The following DNMT1 variants were observed in gnomAD, a reference collection of about 807,000 sequenced individuals.
The protein encoded by DNMT1 is DNA (cytosine-5)-methyltransferase 1.
In DNMT1, 24 loss-of-function variants were observed where a neutral mutation model predicts 205.3. The observed-to-expected ratio is 0.12, with a 90% CI of 0.08 to 0.16. The LOEUF (loss-of-function observed/expected upper bound fraction) is 0.16. Among genes scored for constraint, DNMT1 ranks in the 10% least tolerant of loss-of-function variants. The pLI, the probability that DNMT1 is intolerant of heterozygous loss-of-function variation, is 1.00. For synonymous variants in DNMT1, 817 were observed against 839.8 expected (o/e 0.97, Z 0.47); for missense variants, 1,293 against 2,177.7 (o/e 0.59, Z 8.09).
In DNMT1 at chr19:10,175,523, G is replaced by A. The variant is rs755630709; in HGVS notation, c.648+17C>T. On this transcript the variant is annotated intron_variant, in intron 7 of 40. Coordinates refer to ENST00000359526, the MANE Select transcript of DNMT1 (RefSeq NM_001130823.3). Reference sequence around the variant, plus strand: ...CCAAGTTAAGGTAGAGTCAGGAAATGAAAGCACTGGCCCTACCTGGTCTTT... The same window carrying A: ...CCAAGTTAAGGTAGAGTCAGGAAATAAAAGCACTGGCCCTACCTGGTCTTT... 15 of 1,613,740 alleles carry A rather than the reference G, an allele frequency of 9.3e-6. No homozygotes were observed. The highest frequency in any genetic ancestry group is 5.3e-5 in the African/African-American group (4 of 74,924).
intron 11 of DNMT1, 25 bp from the exon 12 acceptor site, chr19:10,163,385 A>G: frequency 2.5e-6 from 4 of 1,612,414 alleles, no homozygotes; most frequent in Non-Finnish European, 3.4e-6. Context: ...AGGGGGAGGT[A>G]GAGAGATAAA....
chr19:10,148,901 T>C lies in DNMT1; in HGVS notation c.2703A>G (p.Thr901=). The change falls in exon 27 of 41, where the codon ACA becomes ACG. Residue 901 remains threonine, a synonymous_variant. Transcript: ENST00000359526. The part of the protein sequence containing the change: ...RFESPPKTQP[T]EDNKFKFCVS... ...GTGCTCACTTGAACTTGTTGTCCTC[T>C]GTTGGCTGGGTTTTTGGAGGGGACT... The C allele has an allele frequency of 6.2e-7, 1 of 1,614,194 alleles. No homozygotes were observed. Among genetic ancestry groups the C allele is most frequent in the Middle Eastern group, 1.6e-4 (1 of 6,062 alleles).
At chr19:10,136,039 T>C in intron 38 of DNMT1, 82 bp downstream of exon 38, 1 of 1,594,260 alleles carries the variant, frequency 6.3e-7, no homozygotes. Context: ...GTCCCCCACT[T>C]GGCTAAACCC....
chr19:10,141,510 G>C (rs528896134), intron 30 of DNMT1: 4 of 405,670 alleles, frequency 9.9e-6, no homozygotes, highest in African/African-American at 2.0e-5. Flanking sequence ...GAACGTGGAT[G>C]TATCGTTTTA....
chr19:10,189,991 T>A (rs895599573), intron 1 of DNMT1, among the ~76,000 whole-genome samples: 2 of 152,062 alleles, frequency 1.3e-5, no homozygotes, highest in African/African-American at 4.8e-5. Context: ...AGAAGTTCAA[T>A]AACTTAGCCA....
Position 10,146,371 on chromosome 19 carries a change from G to T in DNMT1, c.2874C>A (p.Pro958=), listed in dbSNP as rs1568228023. The T allele has an allele frequency of 6.2e-6, 10 of 1,614,026 alleles. No individual in the cohort carries two copies. Among genetic ancestry groups the T allele is most frequent in the Non-Finnish European group, 8.5e-6 (10 of 1,180,018 alleles). The change falls in exon 28 of 41, where the codon CCC becomes CCA. Residue 958 remains proline (P), a synonymous_variant. Coordinates refer to ENST00000359526, the MANE Select transcript of DNMT1 (RefSeq NM_001130823.3). This position sits in a 1 kb window ranked among gnomAD's most constrained non-coding sequence, Gnocchi z 4.4. The part of the protein sequence containing the change: ...LYRVGDGVYL[P]PEAFTFNIKL... The stretch of plus-strand genomic sequence containing the variant: ...CTTACTTGAACGTGAAGGCCTCAGG[G>T]GGCAGGTACACACCATCACCAACTC...
Position 10,140,416 on chromosome 19 carries a change from C to T in DNMT1, c.3524-88G>A. ...ATGGAGTCTCGCTCTGTCACCCAGG[C>T]TGGAGTGCAGTGGTGTGATCTTGGC... On this transcript the variant is annotated intron_variant, in intron 32 of 40. Transcript: ENST00000359526. The surrounding 1 kb of genome is among the most constrained non-coding windows in gnomAD (Gnocchi z 8.4). 2 of 1,533,208 alleles carry T rather than the reference C, an allele frequency of 1.3e-6. No individual in the cohort carries two copies. The highest frequency in any genetic ancestry group is 1.8e-6 in the Non-Finnish European group (2 of 1,139,824). The allele number at this position is 1,533,208 out of a possible 1,614,324, so 95.0% of individuals were successfully genotyped here. A position where few individuals can be genotyped will look rare whatever the true frequency, so the allele number is the denominator to read the frequency against.
rs1383351287 is a variant in DNMT1 at position 10,162,594 on chromosome 19, G to C, written c.1008+73C>G. ...CTTCTTTTTCCTAAGACCAGCCTGG[G>C]CAACATGGCGAAACCCCGTCTTGGG... On this transcript the variant is annotated intron_variant, in intron 13 of 40. Transcript: ENST00000359526. The C allele has an allele frequency of 6.0e-6, 9 of 1,495,888 alleles. No individual in the cohort carries two copies. In the East Asian group the frequency reaches 2.1e-4, roughly 35 times the overall value. The allele number at this position is 1,495,888 out of a possible 1,614,324, so 92.7% of individuals were successfully genotyped here.
intron 6 of DNMT1, 104 bp from the exon 7 acceptor site, chr19:10,175,722 T>C (rs1012744499): frequency 9.1e-7 from 1 of 1,097,784 alleles, no homozygotes; most frequent in Admixed American, 1.8e-5. Context: ...AGGCTTCAAG[T>C]TTAATGTTTC....
At chr19:10,155,775 GC>G in intron 19 of DNMT1, 77 bp downstream of exon 19, 1 of 1,456,666 alleles carries the variant, frequency 6.9e-7, no homozygotes, top group Non-Finnish European at 9.4e-7. Context: ...TCCCACCAGA[GC>G]CCCGTCAGCC....
intron 24 of DNMT1, among the ~76,000 whole-genome samples, chr19:10,150,664 CCTCT>C (rs2145296833): frequency 6.6e-6 from 1 of 152,320 alleles, no homozygotes; most frequent in African/African-American, 2.4e-5. Context: ...GATACTCACT[CCTCT>C]CTCTCACACT....
chr19:10,149,300 G>C (rs973436764), intron 26 of DNMT1, among the ~76,000 whole-genome samples, 153 bp downstream of exon 26: 8 of 150,936 alleles, frequency 5.3e-5, no homozygotes, highest in African/African-American at 1.7e-4. Context: ...ACTCCAGCCT[G>C]GGCAACAAGA....
At chr19:10,148,754 G>T in intron 27 of DNMT1, 130 bp downstream of exon 27, 1 of 1,494,498 alleles carries the variant, frequency 6.7e-7, no homozygotes, top group Non-Finnish European at 9.2e-7. Context: ...TAGTCAGGCT[G>T]GCCTTTGACG....
At chr19:10,152,160 CAAAAAAAAAAAAAAAAA>C (rs56725732) in intron 22 of DNMT1, among the ~76,000 whole-genome samples, 2 of 14,334 alleles carry the variant, frequency 1.4e-4, no homozygotes, top group East Asian at 2.8e-3. Context: ...AACTCCATCT[CAAAAAAAAAAAAAAAAA>C]AAAAAAAAAA....
rs1419893740 is a variant in DNMT1 at position 10,159,095 on chromosome 19, G to A, written c.1280+563C>T. Among the ~76,000 whole-genome samples, 1 of 152,186 alleles carries A rather than the reference G, an allele frequency of 6.6e-6. No individual in the cohort carries two copies. Among genetic ancestry groups the A allele is most frequent in the Non-Finnish European group, 1.5e-5 (1 of 68,042 alleles). On this transcript the variant is annotated intron_variant, in intron 17 of 40. Coordinates refer to ENST00000359526, the MANE Select transcript of DNMT1 (RefSeq NM_001130823.3). This position sits in a 1 kb window ranked among gnomAD's most constrained non-coding sequence, Gnocchi z 5.0. ...CTAGATCACTGGTACCTAGCACAGA[G>A]TAGGCCTTCATCTGAGCGTGTGACC...
At chr19:10,169,228 C>T (rs902483146) in intron 9 of DNMT1, among the ~76,000 whole-genome samples, 27 of 151,840 alleles carry the variant, frequency 1.8e-4, no homozygotes, top group Admixed American at 1.8e-3. Flanking sequence ...GTGAAGAGAT[C>T]GCAAAGGTCA....
rs2038701077 is a variant in DNMT1, at chr19:10,166,704, C to T, written c.804-19G>A. The T allele has an allele frequency of 6.2e-7, 1 of 1,613,980 alleles. No homozygotes were observed. Among genetic ancestry groups the T allele is most frequent in the South Asian group, 1.1e-5 (1 of 91,082 alleles). ...GGGTGTTCTGTCACAGAAGACAACA[C>T]ACACACAGGCTGGTCAGCTCGGGGG... On this transcript the variant is annotated intron_variant, in intron 10 of 40. Coordinates refer to ENST00000359526, the MANE Select transcript of DNMT1 (RefSeq NM_001130823.3).
At chr19:10,171,568 G>A (rs2059464721) in intron 9 of DNMT1, among the ~76,000 whole-genome samples, 1 of 152,156 alleles carries the variant, frequency 6.6e-6, no homozygotes, top group Non-Finnish European at 1.5e-5. Context: ...CACTTTGGGA[G>A]GCCGAGATGG....
At position 10,137,563 on chromosome 19, in the gene DNMT1, A is replaced by G. The variant is rs2089513396; in HGVS notation, c.4293+269T>C. Reference sequence around the variant, plus strand: ...AAGGGCTGGTCTTGGCATCCTGGGAAAACATGCGGGGAGAGGCAGCAAGGG... The same window carrying G: ...AAGGGCTGGTCTTGGCATCCTGGGAGAACATGCGGGGAGAGGCAGCAAGGG... On this transcript the variant is annotated intron_variant, in intron 36 of 40. Transcript: ENST00000359526. This position sits in a 1 kb window ranked among gnomAD's most constrained non-coding sequence, Gnocchi z 6.4. 1 of 641,470 alleles carries G rather than the reference A, an allele frequency of 1.6e-6. No homozygotes were observed. The highest frequency in any genetic ancestry group is 1.9e-5 in the South Asian group (1 of 52,090). 39.7% of individuals were successfully genotyped at this position (641,470 alleles called of 1,614,324 possible).
Sources: allele counts gnomAD v4.1 joint callset (sites outside exome capture counted in the v4.1 genomes callset), GRCh38; gene constraint gnomAD v4.1.1; non-coding constraint Gnocchi (gnomAD v3.1); transcripts MANE v1.5; gene names NCBI Gene and HGNC (gene_info 2026-07-23, HGNC 2026-07-21).